The following INTS8 variants were observed in gnomAD, a reference collection of about 807,000 sequenced individuals.
INTS8 encodes protein kaonashi-1.
INTS8 carries 47 observed loss-of-function variants against 138.9 expected under a neutral mutation model. That is an observed-to-expected ratio of 0.34 (90% CI 0.27 to 0.43). INTS8 has a LOEUF of 0.43. INTS8 is among the 20% of genes least tolerant of loss of function. The pLI is 1.00. For missense variants in INTS8, 996 were observed against 1,173.0 expected (o/e 0.85, Z 2.20); for synonymous variants, 392 against 400.9 (o/e 0.98, Z 0.27).
chr8:94,871,749 A>G (rs1816404956), intron 20 of INTS8, 135 bp from the exon 21 acceptor site: 2 of 619,946 alleles, frequency 3.2e-6, no homozygotes, highest in Non-Finnish European at 5.7e-6. Context: ...CTTATAATAC[A>G]TTTACTCCTA....
intron 8 of INTS8, among the ~76,000 whole-genome samples, chr8:94,840,916 T>TA (rs1285795089): frequency 1.1e-4 from 17 of 149,268 alleles, no homozygotes; most frequent in Admixed American, 5.3e-4. Context: ...AATAATAATT[T>TA]TTTTTTTTTT....
At chr8:94,862,441 T>G (rs1816025871) in intron 16 of INTS8, among the ~76,000 whole-genome samples, 1 of 152,234 alleles carries the variant, frequency 6.6e-6, no homozygotes, top group South Asian at 2.1e-4. Flanking sequence ...GTAACTCTTC[T>G]CTTTACCTCT....
rs1356821906 is a variant in INTS8 at position 94,856,952 on chromosome 8, G to A, written c.1928G>A (p.Arg643Gln). Residue 643 changes from arginine to glutamine, a missense_variant, in exon 15 of 27, where the codon CGA (arginine) becomes CAA (glutamine). Arg to Gln is a conservative substitution (Grantham distance 43). Coordinates refer to ENST00000523731, the MANE Select transcript of INTS8 (RefSeq NM_017864.4). ...RPPSDLISRV[R>Q]GYLEMRLPDI... ...CCATCCGACCTTATAAGTAGAGTAC[G>A]AGGCTATCTGGAAATGAGGCTTCCT... is the stretch of plus-strand genomic sequence containing the variant. The A allele has an allele frequency of 3.1e-6, 5 of 1,613,950 alleles. No individual in the cohort carries two copies. Among genetic ancestry groups the A allele is most frequent in the Middle Eastern group, 1.6e-4 (1 of 6,080 alleles).
chr8:94,878,123 A>T (rs992808196), intron 26 of INTS8, among the ~76,000 whole-genome samples: 1 of 152,140 alleles, frequency 6.6e-6, no homozygotes, highest in Non-Finnish European at 1.5e-5. Context: ...GCATAAGTCC[A>T]GAAACTTACG....
At chr8:94,842,023 T>C (rs1049604364) in intron 9 of INTS8, among the ~76,000 whole-genome samples, 14 of 150,844 alleles carry the variant, frequency 9.3e-5, no homozygotes, top group African/African-American at 3.4e-4. Context: ...GAGCCGAGAT[T>C]GCACCACTGT....
chr8:94,859,997 T>C lies in INTS8; in HGVS notation c.2076+365T>C, dbSNP rs1421460039. The C allele has an allele frequency of 4.3e-5, 7 of 161,592 alleles. 1 individual carries two copies. Among genetic ancestry groups the C allele is most frequent in the Non-Finnish European group, 5.4e-5 (4 of 73,756 alleles). 10.0% of individuals were successfully genotyped at this position (161,592 alleles called of 1,614,324 possible). A position where few individuals can be genotyped will look rare whatever the true frequency, so the allele number is the denominator to read the frequency against. On this transcript the variant is annotated intron_variant, in intron 16 of 26. Coordinates refer to ENST00000523731, the MANE Select transcript of INTS8 (RefSeq NM_017864.4). The stretch of plus-strand genomic sequence containing the variant: ...TCTCCTTGTTTCCATTTGAACACTT[T>C]ATTCTTCTTTAGAATTTTATCCTTC...
Position 94,881,524 on chromosome 8 carries a change from G to T in INTS8, c.*1290G>T. On this transcript the variant is annotated 3_prime_UTR_variant, in exon 27 of 27. Transcript: ENST00000523731. ...GAATGGCAGTGTAACTTGTGAATTG[G>T]CTAGGGCAATCAATCACAGCACTAC... is the stretch of plus-strand genomic sequence containing the variant. 1.9e-6 allele frequency: 2 copies of T among 1,077,852 alleles called. No homozygotes were observed. Among genetic ancestry groups the T allele is most frequent in the Non-Finnish European group, 2.7e-6 (2 of 742,778 alleles). The allele number at this position is 1,077,852 out of a possible 1,614,324, so 66.8% of individuals were successfully genotyped here.
chr8:94,874,583 T>C lies in INTS8; in HGVS notation c.2669T>C (p.Leu890Ser), dbSNP rs1265948119. 4 of 1,584,164 alleles carry C rather than the reference T, an allele frequency of 2.5e-6. No homozygotes were observed. Among genetic ancestry groups the C allele is most frequent in the Non-Finnish European group, 2.6e-6 (3 of 1,153,396 alleles). The change falls in exon 23 of 27, where the codon TTG (leucine) becomes TCG (serine). Residue 890 changes from leucine (L) to serine (S), a missense_variant. Coordinates refer to ENST00000523731, the MANE Select transcript of INTS8 (RefSeq NM_017864.4). ...AAACGAATGATAAAATGTTGTTCTT[T>C]GCTGAATTGCCACACACAGGTTAGT... ...VIKRMIKCCS[L>S]LNCHTQVAIL...
chr8:94,850,141 A>G (rs1217376663), intron 12 of INTS8, 50 bp downstream of exon 12: 3 of 1,258,062 alleles, frequency 2.4e-6, no homozygotes, highest in Non-Finnish European at 2.2e-6. Context: ...TTGCCCCTCT[A>G]TTCAAATTAA....
In INTS8 at chr8:94,881,369, G is replaced by A. The variant is rs1490972592; in HGVS notation, c.*1135G>A. 7.9e-6 allele frequency: 4 copies of A among 504,136 alleles called. No individual in the cohort carries two copies. Among genetic ancestry groups the A allele is most frequent in the Middle Eastern group, 5.1e-4 (1 of 1,960 alleles). 31.2% of individuals were successfully genotyped at this position (504,136 alleles called of 1,614,324 possible). ...GAAAAACATTGCTATGGTATAGACT[G>A]TGGTTGGCTTCTATCCAGTAACCTT... On this transcript the variant is annotated 3_prime_UTR_variant, in exon 27 of 27. Coordinates refer to ENST00000523731, the MANE Select transcript of INTS8 (RefSeq NM_017864.4).
intron 18 of INTS8, 38 bp from the exon 19 acceptor site, chr8:94,867,102 A>C (rs1816204968): frequency 2.7e-6 from 4 of 1,458,292 alleles, no homozygotes; most frequent in African/African-American, 1.4e-5. Context: ...ATAAATATAC[A>C]TACACTGTTT....
chr8:94,874,912 C>T (rs1159250484), intron 23 of INTS8, among the ~76,000 whole-genome samples: 2 of 152,176 alleles, frequency 1.3e-5, no homozygotes, highest in African/African-American at 2.4e-5. Context: ...TGAGATACCA[C>T]TTCCTACCCA....
intron 26 of INTS8, chr8:94,879,806 G>GT (rs150887763): frequency 0.018 from 3,179 of 177,308 alleles, 48 homozygotes; most frequent in Non-Finnish European, 0.025. Context: ...TGGAGCCCTA[G>GT]TTTAACTCTA....
intron 14 of INTS8, 92 bp from the exon 15 acceptor site, chr8:94,856,684 TA>T: frequency 1.0e-6 from 1 of 999,448 alleles, no homozygotes; most frequent in Non-Finnish European, 1.6e-6. Flanking sequence ...CCATTTGAAA[TA>T]ATCCTTCTCC....
chr8:94,843,980 C>T (rs1815233980), intron 10 of INTS8, among the ~76,000 whole-genome samples: 1 of 147,860 alleles, frequency 6.8e-6, no homozygotes, highest in African/African-American at 2.5e-5. Flanking sequence ...TTTGAGGTAC[C>T]TTTTCCAAGT....
rs192601259 is a variant in INTS8 at position 94,828,595 on chromosome 8, T to C, written c.519-380T>C. On this transcript the variant is annotated intron_variant, in intron 4 of 26. Transcript: ENST00000523731. ...AGCATAGTTTCTAACTTGATACAAA[T>C]GAGCTTTTGTTGTAAGTTTTGCTCT... 6.6e-5 allele frequency among the ~76,000 whole-genome samples: 10 copies of C among 152,278 alleles called. No individual in the cohort carries two copies. In the East Asian group the frequency reaches 1.9e-3, roughly 29 times the overall value.
At chr8:94,830,324 G>A (rs1814665719) in intron 5 of INTS8, among the ~76,000 whole-genome samples, 1 of 152,204 alleles carries the variant, frequency 6.6e-6, no homozygotes, top group African/African-American at 2.4e-5. Context: ...TAGGGGCTGG[G>A]TGAGGAGAGA....
intron 10 of INTS8, among the ~76,000 whole-genome samples, chr8:94,846,921 G>A (rs1022101945): frequency 3.3e-5 from 5 of 152,182 alleles, no homozygotes; most frequent in African/African-American, 1.2e-4. Context: ...AACCACCATT[G>A]CATGTCTGGA....
rs1815875698 is a variant in INTS8 at position 94,859,528 on chromosome 8, G to A, written c.1972G>A (p.Val658Ile). ...MRLPDIPLRQ[V>I]IAEECVAFML... ...CTTTTTAGATATTCCTCTTCGTCAA[G>A]TTATAGCTGAGGAATGTGTTGCCTT... Residue 658 changes from valine (V) to isoleucine (I), a missense_variant, in exon 16 of 27, where the codon GTT (valine) becomes ATT (isoleucine). Val to Ile is a conservative substitution (Grantham distance 29). Transcript: ENST00000523731. 6.2e-7 allele frequency: 1 copy of A among 1,613,196 alleles called. No individual in the cohort carries two copies. The highest frequency in any genetic ancestry group is 8.5e-7 in the Non-Finnish European group (1 of 1,179,310).
Sources: gnomAD v4.1 joint callset for allele counts (sites outside exome capture counted in the v4.1 genomes callset) on GRCh38, gnomAD v4.1.1 for gene constraint, MANE v1.5 for transcripts, NCBI Gene and HGNC (gene_info 2026-07-23, HGNC 2026-07-21) for gene names.